Variants in ADCY3 observed in about 807,000 individuals in gnomAD.
ADCY3 encodes the protein adenylate cyclase type 3.
Under a neutral mutation model 119.4 loss-of-function variants are expected in ADCY3, and 70 were observed. The ratio of observed to expected loss-of-function variants is 0.59; its 90% CI spans 0.48 to 0.72. The LOEUF (loss-of-function observed/expected upper bound fraction) is 0.72, where lower values mean the gene tolerates loss of function less well. Ranked by LOEUF, ADCY3 falls within the 30% of genes least tolerant of loss-of-function variation. The pLI is 0.00. For missense variants in ADCY3, 1,238 were observed against 1,541.6 expected, an observed-to-expected ratio of 0.80 and a Z score of 3.30; for synonymous variants, 672 against 621.4, an observed-to-expected ratio of 1.08 and a Z score of -1.21.
chr2:24,828,703 C>T (rs1003523117), intron 13 of ADCY3, among the ~76,000 whole-genome samples: 1 of 152,246 alleles, frequency 6.6e-6, no homozygotes, highest in Non-Finnish European at 1.5e-5. Flanking sequence ...AATCAACCCC[C>T]CCTTTTTGTA....
intron 17 of ADCY3, 80 bp from the exon 18 acceptor site, chr2:24,823,435 A>G (rs371267926): frequency 7.4e-6 from 11 of 1,493,732 alleles, no homozygotes; most frequent in African/African-American, 7.1e-5. Flanking sequence ...TCTATCTTCC[A>G]TGCATGACAT....
chr2:24,875,274 G>A (rs550993611), intron 2 of ADCY3, among the ~76,000 whole-genome samples: 1 of 152,208 alleles, frequency 6.6e-6, no homozygotes, highest in Non-Finnish European at 1.5e-5. Flanking sequence ...GCTGCCCCCT[G>A]TTCCATCCCT....
At chr2:24,909,033 C>T (rs909980705) in intron 2 of ADCY3, among the ~76,000 whole-genome samples, 4 of 152,198 alleles carry the variant, frequency 2.6e-5, no homozygotes, top group African/African-American at 7.2e-5. Context: ...CTCAAATCTG[C>T]AACTCTAGAC....
Position 24,872,502 on chromosome 2 carries a change from C to T in ADCY3, c.825+68G>A, listed in dbSNP as rs1675142951. 1 of 1,562,932 alleles carries T rather than the reference C, an allele frequency of 6.4e-7. No individual in the cohort carries two copies. Among genetic ancestry groups the T allele is most frequent in the Non-Finnish European group, 8.7e-7 (1 of 1,152,826 alleles). The stretch of plus-strand genomic sequence containing the variant: ...GAGCCAGGGGCTGCCGCTCTGGTTC[C>T]TCTCCCTCTGACAAGGCCACAGTCC... On this transcript the variant is annotated intron_variant, in intron 3 of 21. Coordinates refer to ENST00000679454, the MANE Select transcript of ADCY3 (RefSeq NM_004036.5). The surrounding 1 kb of genome is among the most constrained non-coding windows in gnomAD (Gnocchi z 4.4).
chr2:24,839,585 G>A (rs1053055744), intron 7 of ADCY3, among the ~76,000 whole-genome samples: 1 of 152,204 alleles, frequency 6.6e-6, no homozygotes, highest in African/African-American at 2.4e-5. Context: ...TGGGTAAAGG[G>A]GAGGCAGCCC....
At chr2:24,897,219 C>CCCT (rs1330462233) in intron 2 of ADCY3, among the ~76,000 whole-genome samples, 2 of 151,668 alleles carry the variant, frequency 1.3e-5, no homozygotes, top group Admixed American at 6.6e-5. Context: ...TTCAGCCACA[C>CCCT]CCTCCTCCTC....
At chr2:24,845,827 GCCAGGCCCAGGGTGC>G (rs1240434867) in intron 3 of ADCY3, among the ~76,000 whole-genome samples, 1 of 152,200 alleles carries the variant, frequency 6.6e-6, no homozygotes, top group Non-Finnish European at 1.5e-5. Flanking sequence ...AGTTTCGTGG[GCCAGGCCCAGGGTGC>G]CCATGCTGTG....
intron 11 of ADCY3, among the ~76,000 whole-genome samples, chr2:24,832,407 G>T (rs1309099604): frequency 6.6e-6 from 1 of 152,116 alleles, no homozygotes; most frequent in African/African-American, 2.4e-5. Context: ...GCTGCCGGGG[G>T]CTAAGAGTCT....
chr2:24,820,043 C>A lies in ADCY3; in HGVS notation c.3324G>T (p.Val1108=). ...FRFVRRGPIF[V]KGKGELLTFF... ...AGGTCAGCAGCTCCCCCTTCCCCTT[C>A]ACAAAGATGGGGCCTCGCCTCACAA... Residue 1108 remains valine, a synonymous_variant, in exon 22 of 22, where the codon GTG becomes GTT. Coordinates refer to ENST00000679454, the MANE Select transcript of ADCY3 (RefSeq NM_004036.5). 6.2e-7 allele frequency: 1 copy of A among 1,607,016 alleles called. No homozygotes were observed. Among genetic ancestry groups the A allele is most frequent in the Admixed American group, 1.7e-5 (1 of 58,724 alleles).
chr2:24,830,079 C>CT (rs57908703), intron 13 of ADCY3, among the ~76,000 whole-genome samples: 1 of 146,768 alleles, frequency 6.8e-6, no homozygotes, highest in South Asian at 2.2e-4. Context: ...GTCTTGCTGT[C>CT]GCCTAGGCTG....
chr2:24,852,772 C>T lies in ADCY3; in HGVS notation c.826-10388G>A, dbSNP rs565262693. 1.1e-4 allele frequency among the ~76,000 whole-genome samples: 16 copies of T among 152,368 alleles called. No homozygotes were observed. In the South Asian group the frequency reaches 3.3e-3, roughly 32 times the overall value. On this transcript the variant is annotated intron_variant, in intron 3 of 21. Transcript: ENST00000679454. ...CCGCGGAAACTTGGGTTGCCCTCGT[C>T]ACTGCCACACAGAGTGGCCGAGCCG...
rs185463406 is a variant in ADCY3 at position 24,824,725 on chromosome 2, C to T, written c.2578-189G>A. ...CCAACATGGTGAAACCCTGTCTCTA[C>T]TAAAAATACAAAAATTAGCCGGGCA... is the stretch of plus-strand genomic sequence containing the variant. On this transcript the variant is annotated intron_variant, in intron 16 of 21. Coordinates refer to ENST00000679454, the MANE Select transcript of ADCY3 (RefSeq NM_004036.5). Among the ~76,000 whole-genome samples the T allele has an allele frequency of 5.9e-5, 9 of 152,204 alleles. No homozygotes were observed. The East Asian group carries it at 1.7e-3, about 29-fold the overall frequency.
rs56672595 is a variant in ADCY3 at position 24,857,991 on chromosome 2, ATTTTTTTT to A, written c.825+14571_825+14578del. 2.5e-5 allele frequency among the ~76,000 whole-genome samples: 3 copies of A among 122,394 alleles called. No homozygotes were observed. The South Asian group carries it at 7.9e-4, about 32-fold the overall frequency. The allele number at this position is 122,394 out of a possible 152,430, so 80.3% of individuals were successfully genotyped here. ...AAGTCCTGAAATACTTGTGGTCTGAATTTTTTTTTTTTTTTTTTTTTTTTAAAGAGACA... is the reference window on the plus strand; with the variant it reads ...AAGTCCTGAAATACTTGTGGTCTGAATTTTTTTTTTTTTTTTAAAGAGACA... On this transcript the variant is annotated intron_variant, in intron 3 of 21. Coordinates refer to ENST00000679454, the MANE Select transcript of ADCY3 (RefSeq NM_004036.5).
chr2:24,827,046 G>A (rs1558407395), intron 15 of ADCY3, among the ~76,000 whole-genome samples: 2 of 152,106 alleles, frequency 1.3e-5, no homozygotes. Flanking sequence ...TAAGGGCTAT[G>A]CAGGTTTTAC....
Position 24,828,153 on chromosome 2 carries a change from A to G in ADCY3, c.2181T>C (p.Cys727=), listed in dbSNP as rs371228102. ...VMANVVDMLS[C]LQYYTGPSNA... The stretch of plus-strand genomic sequence containing the variant: ...TGCTGGGTCCCGTGTAGTACTGGAG[A>G]CAGCTGAGCTGGAGGCCAGGACGGC... Residue 727 remains cysteine (C), a synonymous_variant, in exon 14 of 22, where the codon TGT becomes TGC. Transcript: ENST00000679454. 8.1e-6 allele frequency: 13 copies of G among 1,613,278 alleles called. No homozygotes were observed. The highest frequency in any genetic ancestry group is 1.1e-5 in the Non-Finnish European group (13 of 1,179,702).
intron 9 of ADCY3, among the ~76,000 whole-genome samples, chr2:24,835,674 G>A (rs905724793): frequency 2.6e-5 from 4 of 152,260 alleles, no homozygotes; most frequent in Admixed American, 2.0e-4. Context: ...GGTGACTCAC[G>A]CCTGTCATCC....
chr2:24,836,513 A>G (rs917468504), intron 9 of ADCY3, among the ~76,000 whole-genome samples: 3 of 152,236 alleles, frequency 2.0e-5, no homozygotes, highest in African/African-American at 7.2e-5. Context: ...GGCTAAGGAA[A>G]TATCCCATCT....
intron 2 of ADCY3, among the ~76,000 whole-genome samples, chr2:24,912,665 G>T (rs1663925039): frequency 6.6e-6 from 1 of 151,818 alleles, no homozygotes; most frequent in Admixed American, 6.6e-5. Context: ...ACCCACCCCT[G>T]GCCCAGCCCT....
intron 11 of ADCY3, among the ~76,000 whole-genome samples, chr2:24,832,486 C>T (rs188509936): frequency 9.2e-4 from 140 of 152,278 alleles, no homozygotes; most frequent in African/African-American, 3.2e-3. Flanking sequence ...TGACAACTCC[C>T]GGAAACCTGT....
Sources: allele counts gnomAD v4.1 joint callset (sites outside exome capture counted in the v4.1 genomes callset), GRCh38; gene constraint gnomAD v4.1.1; non-coding constraint Gnocchi (gnomAD v3.1); transcripts MANE v1.5; gene names NCBI Gene and HGNC (gene_info 2026-07-23, HGNC 2026-07-21).